PXDNL: variants seen among roughly 807,000 people sequenced by gnomAD.
PXDNL encodes probable oxidoreductase PXDNL.
PXDNL carries 145 observed loss-of-function variants against 150.8 expected under a neutral mutation model. The observed-to-expected ratio is 0.96, with a 90% CI of 0.84 to 1.10. The LOEUF (loss-of-function observed/expected upper bound fraction) is 1.10. Among genes scored for constraint, PXDNL ranks in the 50% least tolerant of loss-of-function variants. PXDNL has a pLI of 0.00. For synonymous variants in PXDNL, 757 were observed against 725.7 expected, an observed-to-expected ratio of 1.04 and a Z score of -0.69; for missense variants, 2,087 against 1,873.9, an observed-to-expected ratio of 1.11 and a Z score of -2.10.
chr8:51,415,513 A>AGCAAGAGG (rs1808773386), intron 14 of PXDNL, among the ~76,000 whole-genome samples: 1 of 152,186 alleles, frequency 6.6e-6, no homozygotes, highest in Non-Finnish European at 1.5e-5. Flanking sequence ...TCACAAGAAC[A>AGCAAGAGG]GCAAGAGGGA....
chr8:51,520,923 T>TA (rs994556149), intron 4 of PXDNL, among the ~76,000 whole-genome samples: 6 of 152,074 alleles, frequency 3.9e-5, no homozygotes, highest in South Asian at 4.1e-4. Context: ...ACAGGGAATT[T>TA]AAAAAAACTA....
chr8:51,555,036 A>C (rs571389865), intron 4 of PXDNL, among the ~76,000 whole-genome samples: 1 of 152,162 alleles, frequency 6.6e-6, no homozygotes, highest in Non-Finnish European at 1.5e-5. Flanking sequence ...TTTGATACCA[A>C]TTCTCTTTCT....
chr8:51,496,990 C>G (rs1157232436), intron 5 of PXDNL, among the ~76,000 whole-genome samples: 2 of 152,028 alleles, frequency 1.3e-5, no homozygotes, highest in African/African-American at 4.8e-5. Context: ...AATCCTAAGC[C>G]AAAAGAACAA....
chr8:51,793,770 G>T (rs933750810), intron 1 of PXDNL, among the ~76,000 whole-genome samples: 27 of 152,004 alleles, frequency 1.8e-4, no homozygotes, highest in Admixed American at 1.7e-3. Context: ...ACACATGTCT[G>T]TAATCCCAGC....
intron 17 of PXDNL, among the ~76,000 whole-genome samples, chr8:51,394,917 G>C (rs1407001921): frequency 1.3e-5 from 2 of 152,180 alleles, no homozygotes; most frequent in Non-Finnish European, 2.9e-5. Flanking sequence ...CCCAAGTGTA[G>C]ATAGGGACTG....
chr8:51,658,264 C>T (rs1022240956), intron 1 of PXDNL, among the ~76,000 whole-genome samples: 1 of 149,660 alleles, frequency 6.7e-6, no homozygotes, highest in African/African-American at 2.5e-5. Flanking sequence ...ATCGCTTGGG[C>T]CCAGGAGGTA....
chr8:51,409,389 C>T lies in PXDNL; in HGVS notation c.2235G>A (p.Ala745=), dbSNP rs768322859. 5.2e-5 allele frequency: 84 copies of T among 1,604,252 alleles called. No individual in the cohort carries two copies. Among genetic ancestry groups the T allele is most frequent in the Non-Finnish European group, 5.1e-6 (6 of 1,176,480 alleles). The change falls in exon 17 of 23, where the codon GCG becomes GCA. Residue 745 remains alanine (A), a synonymous_variant. Transcript: ENST00000356297. ...NNLQQPTWGA[A]LTAFARLLQP... is the part of the protein sequence containing the mutation. ...GCAGCAGGCGCGCGAAGGCGGTCAG[C>T]GCCGCGCCCCACGTGGGCTGCTGCA...
chr8:51,519,772 G>A (rs1811620582), intron 4 of PXDNL, among the ~76,000 whole-genome samples: 1 of 152,190 alleles, frequency 6.6e-6, no homozygotes, highest in Non-Finnish European at 1.5e-5. Context: ...ATGAGAGATT[G>A]GGGCATCCCA....
intron 1 of PXDNL, among the ~76,000 whole-genome samples, chr8:51,797,494 AT>A (rs1209124692): frequency 1.3e-5 from 2 of 152,234 alleles, no homozygotes; most frequent in Non-Finnish European, 2.9e-5. Flanking sequence ...TACAAAGTCA[AT>A]GTGCAAAAAT....
intron 19 of PXDNL, among the ~76,000 whole-genome samples, chr8:51,352,963 G>C (rs1806398291): frequency 6.6e-6 from 1 of 152,104 alleles, no homozygotes; most frequent in African/African-American, 2.4e-5. Context: ...AGGAGAGTGG[G>C]AGGAGAGTGA....
At chr8:51,611,802 G>T (rs1279040765) in intron 2 of PXDNL, among the ~76,000 whole-genome samples, 2 of 151,766 alleles carry the variant, frequency 1.3e-5, no homozygotes, top group East Asian at 1.9e-4. Flanking sequence ...GAGGAGCAAG[G>T]CCAGACTTTC....
chr8:51,564,781 A>G (rs1335941656), intron 3 of PXDNL, among the ~76,000 whole-genome samples: 2 of 152,018 alleles, frequency 1.3e-5, no homozygotes, highest in African/African-American at 4.8e-5. Flanking sequence ...AATGATGCCA[A>G]AACCATTGGT....
chr8:51,575,150 A>C (rs1343610003), intron 3 of PXDNL, among the ~76,000 whole-genome samples: 1 of 152,056 alleles, frequency 6.6e-6, no homozygotes, highest in Admixed American at 6.6e-5. Flanking sequence ...ACTTAAGAGG[A>C]GGAAAGATTT....
At chr8:51,339,568 T>C in intron 21 of PXDNL, 56 bp downstream of exon 21, 1 of 1,538,838 alleles carries the variant, frequency 6.5e-7, no homozygotes, top group Non-Finnish European at 8.9e-7. Flanking sequence ...AAATCTTTTA[T>C]GTTTAGTTAT....
chr8:51,673,493 G>GA (rs1333271342), intron 1 of PXDNL, among the ~76,000 whole-genome samples: 9 of 152,184 alleles, frequency 5.9e-5, no homozygotes, highest in African/African-American at 2.2e-4. Context: ...AAGATAAGAA[G>GA]AAAGATCAGA....
chr8:51,548,508 C>G (rs1260675480), intron 4 of PXDNL, among the ~76,000 whole-genome samples: 5 of 152,270 alleles, frequency 3.3e-5, no homozygotes, highest in South Asian at 2.1e-4. Flanking sequence ...AGAAACCTTA[C>G]AAGCCAGGAT....
At chr8:51,777,773 G>A (rs1273337397) in intron 1 of PXDNL, among the ~76,000 whole-genome samples, 1 of 152,032 alleles carries the variant, frequency 6.6e-6, no homozygotes, top group African/African-American at 2.4e-5. Context: ...CGTGGTAGTG[G>A]GCGCCTGTAA....
chr8:51,480,236 A>G (rs1810570176), intron 6 of PXDNL, among the ~76,000 whole-genome samples: 1 of 152,202 alleles, frequency 6.6e-6, no homozygotes, highest in African/African-American at 2.4e-5. Flanking sequence ...TTGCATTGCC[A>G]TAAAGAAATA....
At chr8:51,784,097 A>G (rs554933757) in intron 1 of PXDNL, among the ~76,000 whole-genome samples, 11 of 152,338 alleles carry the variant, frequency 7.2e-5, no homozygotes, top group Non-Finnish European at 1.2e-4. Context: ...TCTCTGCTCA[A>G]CATACTCTTA....
Sources: allele counts gnomAD v4.1 joint callset (sites outside exome capture counted in the v4.1 genomes callset), GRCh38; gene constraint gnomAD v4.1.1; transcripts MANE v1.5; gene names NCBI Gene and HGNC (gene_info 2026-07-23, HGNC 2026-07-21).